STAMBP: variants seen among roughly 807,000 people sequenced by gnomAD.
STAMBP encodes the protein STAM binding protein, also known as STAM-binding protein.
In STAMBP, 31 loss-of-function variants were observed where a neutral mutation model predicts 50.7. That is an observed-to-expected ratio of 0.61 (90% CI 0.46 to 0.83). The LOEUF is 0.83. Among genes scored for constraint, STAMBP ranks in the 40% least tolerant of loss-of-function variants. The probability of loss-of-function intolerance (pLI) is 0.00; values close to 1 mark genes in which losing one functional copy is unlikely to be tolerated. For synonymous variants in STAMBP, 211 were observed against 192.4 expected (o/e 1.10, Z -0.80); for missense variants, 472 against 518.9 (o/e 0.91, Z 0.88).
intron 2 of STAMBP, among the ~76,000 whole-genome samples, chr2:73,836,599 A>G (rs1674741536): frequency 6.6e-6 from 1 of 152,206 alleles, no homozygotes; most frequent in Admixed American, 6.5e-5. Context: ...AAGCCTGCAG[A>G]TGACTGGTGA....
At chr2:73,838,484 G>T (rs756680431) in intron 2 of STAMBP, among the ~76,000 whole-genome samples, 1 of 152,168 alleles carries the variant, frequency 6.6e-6, no homozygotes, top group Admixed American at 6.5e-5. Flanking sequence ...TAAGTTAGGA[G>T]ATTTTAGAGC....
intron 2 of STAMBP, among the ~76,000 whole-genome samples, chr2:73,837,167 A>G (rs979486168): frequency 6.6e-6 from 1 of 152,228 alleles, no homozygotes; most frequent in Non-Finnish European, 1.5e-5. Flanking sequence ...AGAAATCAAG[A>G]TATTTTCATA....
rs1219987152 is a variant in STAMBP at position 73,851,036 on chromosome 2, G to A, written c.1005+523G>A. ...TGGTAATGTTCAGGTAAAATATAATGCCTTCCCTAAAGATTATTTTTAAAT... is the reference window on the plus strand; with the variant it reads ...TGGTAATGTTCAGGTAAAATATAATACCTTCCCTAAAGATTATTTTTAAAT... On this transcript the variant is annotated intron_variant, in intron 7 of 9. Transcript: ENST00000394070. 3.3e-5 allele frequency among the ~76,000 whole-genome samples: 5 copies of A among 152,156 alleles called. No individual in the cohort carries two copies. In the East Asian group the frequency reaches 7.7e-4, roughly 23 times the overall value.
At position 73,830,827 on chromosome 2, in the gene STAMBP, C is replaced by G; in HGVS notation, c.-12-18C>G. On this transcript the variant is annotated intron_variant, in intron 1 of 9. Coordinates refer to ENST00000394070, the MANE Select transcript of STAMBP (RefSeq NM_213622.4). ...ATGAGGGCAACGGTATTGATGCCAT[C>G]TGTTTTTTCTGTCTCAGAACTTGGT... is the stretch of plus-strand genomic sequence containing the variant. 3.1e-6 allele frequency: 5 copies of G among 1,603,348 alleles called. No homozygotes were observed. The highest frequency in any genetic ancestry group is 4.3e-6 in the Non-Finnish European group (5 of 1,173,126).
intron 8 of STAMBP, 113 bp from the exon 9 acceptor site, chr2:73,859,939 A>G: frequency 1.4e-6 from 1 of 698,610 alleles, no homozygotes; most frequent in Non-Finnish European, 2.5e-6. Flanking sequence ...GCTGTCTCAC[A>G]ATGACCTCTG....
intron 1 of STAMBP, 149 bp downstream of exon 1, chr2:73,829,659 C>T (rs960361206): frequency 4.6e-5 from 7 of 152,130 alleles, no homozygotes; most frequent in African/African-American, 1.4e-4. Context: ...TCTCTGCATC[C>T]CTAGTAGTCC....
At chr2:73,842,325 A>T (rs1483994438) in intron 2 of STAMBP, among the ~76,000 whole-genome samples, 1 of 152,026 alleles carries the variant, frequency 6.6e-6, no homozygotes, top group Non-Finnish European at 1.5e-5. Context: ...TTCTTCCCAC[A>T]CCCCAAAGGT....
At chr2:73,830,734 G>T (rs1673796920) in intron 1 of STAMBP, 111 bp from the exon 2 acceptor site, 3 of 815,738 alleles carry the variant, frequency 3.7e-6, no homozygotes, top group Non-Finnish European at 5.7e-6. Flanking sequence ...ACAGCATTTG[G>T]TATGTTTCTC....
chr2:73,853,485 A>C (rs1380394949), intron 7 of STAMBP, among the ~76,000 whole-genome samples: 1 of 152,194 alleles, frequency 6.6e-6, no homozygotes, highest in African/African-American at 2.4e-5. Flanking sequence ...GCAGTTTGGG[A>C]GACCAAGGCG....
chr2:73,871,177 A>C (rs72917417), downstream of STAMBP, among the ~76,000 whole-genome samples: 8,456 of 152,266 alleles, frequency 0.056, 298 homozygotes, highest in African/African-American at 0.083. Flanking sequence ...AGGGCCTATG[A>C]TTATGGCCTT....
At chr2:73,844,769 A>G (rs1409524265) in intron 2 of STAMBP, 44 bp from the exon 3 acceptor site, 2 of 1,547,162 alleles carry the variant, frequency 1.3e-6, no homozygotes, top group African/African-American at 1.4e-5. Flanking sequence ...TCTTATGGAC[A>G]TTTGGACCAT....
intron 4 of STAMBP, 130 bp from the exon 5 acceptor site, chr2:73,847,257 A>G: frequency 8.6e-7 from 1 of 1,157,380 alleles, no homozygotes; most frequent in Non-Finnish European, 1.2e-6. Flanking sequence ...GGAAAGCATG[A>G]ATTCTGTGTT....
chr2:73,858,612 GTA>G, intron 7 of STAMBP, among the ~76,000 whole-genome samples: 1 of 152,238 alleles, frequency 6.6e-6, no homozygotes, highest in Non-Finnish European at 1.5e-5. Flanking sequence ...GTTTTCAAGT[GTA>G]TAATACATTG....
At chr2:73,860,205 C>G in intron 9 of STAMBP, 54 bp downstream of exon 9, 1 of 1,454,260 alleles carries the variant, frequency 6.9e-7, no homozygotes, top group Non-Finnish European at 9.6e-7. Context: ...GGAGGACAGT[C>G]AGAGCTGATG....
At chr2:73,868,951 C>T (rs200707013), downstream of STAMBP, among the ~76,000 whole-genome samples, 5 of 152,188 alleles carry the variant, frequency 3.3e-5, no homozygotes, top group East Asian at 3.8e-4. Flanking sequence ...TAACACCCAG[C>T]GTCATACTTA....
rs1678762386 is a variant in STAMBP at position 73,865,229 on chromosome 2, A to G, written c.*2970A>G. 6.6e-6 allele frequency: 1 copy of G among 152,250 alleles called. No individual in the cohort carries two copies. The highest frequency in any genetic ancestry group is 6.5e-5 in the Admixed American group (1 of 15,284). 9.4% of individuals were successfully genotyped at this position (152,250 alleles called of 1,614,324 possible). On this transcript the variant is annotated 3_prime_UTR_variant, in exon 10 of 10. Coordinates refer to ENST00000394070, the MANE Select transcript of STAMBP (RefSeq NM_213622.4). ...ATTAGGAGCAAAGCTTTAATGAGTG[A>G]AAGTCTGGTGAATCCTGCAATTTTG... is the stretch of plus-strand genomic sequence containing the variant.
At chr2:73,855,487 T>G (rs186491297) in intron 7 of STAMBP, 1 of 405,884 alleles carries the variant, frequency 2.5e-6, no homozygotes, top group East Asian at 7.1e-5. Context: ...GAGTCCCTGC[T>G]TATGTCTCTT....
Position 73,852,845 on chromosome 2 carries a change from T to TTGTGTGTGTGTG in STAMBP, c.1005+2358_1005+2369dup, listed in dbSNP as rs55727735. On this transcript the variant is annotated intron_variant, in intron 7 of 9. Transcript: ENST00000394070. ...GGTACCCGCCACTATGCCTGGCTAATTGTGTGTGTGTGTGTGTGTGTGTGT... is the reference window on the plus strand; with the variant it reads ...GGTACCCGCCACTATGCCTGGCTAATTGTGTGTGTGTGTGTGTGTGTGTGTGTGTGTGTGTGT... Among the ~76,000 whole-genome samples, 684 of 127,672 alleles carry TTGTGTGTGTGTG rather than the reference T, an allele frequency of 5.4e-3. 16 individuals are homozygous for TTGTGTGTGTGTG. The highest frequency in any genetic ancestry group is 0.018 in the African/African-American group (571 of 32,530). The allele number at this position is 127,672 out of a possible 152,430, so 83.8% of individuals were successfully genotyped here. A position where few individuals can be genotyped will look rare whatever the true frequency, so the allele number is the denominator to read the frequency against.
chr2:73,869,257 A>G (rs1405242019), downstream of STAMBP, among the ~76,000 whole-genome samples: 1 of 144,364 alleles, frequency 6.9e-6, no homozygotes, highest in African/African-American at 2.9e-5. Context: ...GATTGGGGGA[A>G]AAAAAATCTA....
Sources: allele counts gnomAD v4.1 joint callset (sites outside exome capture counted in the v4.1 genomes callset), GRCh38; gene constraint gnomAD v4.1.1; transcripts MANE v1.5; gene names NCBI Gene and HGNC (gene_info 2026-07-23, HGNC 2026-07-21).